The following AKT1 variants were observed in gnomAD, a reference collection of about 807,000 sequenced individuals.
AKT1 encodes AKT serine/threonine kinase 1, also known as RAC-alpha serine/threonine-protein kinase.
A neutral mutation model predicts 63.1 loss-of-function variants in AKT1; 21 were observed. That is an observed-to-expected ratio of 0.33 (90% CI 0.24 to 0.48). The LOEUF is 0.48. Among genes scored for constraint, AKT1 ranks in the 20% least tolerant of loss-of-function variants. The pLI is 0.99. For synonymous variants in AKT1, 257 were observed against 253.1 expected, an observed-to-expected ratio of 1.02 and a Z score of -0.15; for missense variants, 382 against 666.0, an observed-to-expected ratio of 0.57 and a Z score of 4.69.
Position 104,769,841 on chromosome 14 carries a change from G to A in AKT1, c.*500C>T. The A allele has an allele frequency of 2.6e-6, 1 of 388,324 alleles. No homozygotes were observed. The highest frequency in any genetic ancestry group is 4.8e-6 in the Non-Finnish European group (1 of 208,426). 24.1% of individuals were successfully genotyped at this position (388,324 alleles called of 1,614,324 possible). On this transcript the variant is annotated 3_prime_UTR_variant, in exon 15 of 15. Coordinates refer to ENST00000649815, the MANE Select transcript of AKT1 (RefSeq NM_001382430.1). ...GACACGGCCTTAGTGCTGGGGGGCT[G>A]CTGTGTGCCTGCCACCCCCAGGAGA... is the stretch of plus-strand genomic sequence containing the variant.
Position 104,769,570 on chromosome 14 carries a change from T to G in AKT1, c.*771A>C. The G allele has an allele frequency of 1.9e-6, 1 of 533,318 alleles. No individual in the cohort carries two copies. Among genetic ancestry groups the G allele is most frequent in the Non-Finnish European group, 3.6e-6 (1 of 275,298 alleles). 33.0% of individuals were successfully genotyped at this position (533,318 alleles called of 1,614,324 possible). A position where few individuals can be genotyped will look rare whatever the true frequency, so the allele number is the denominator to read the frequency against. Reference sequence around the variant, plus strand: ...AAGGTTAAGCGTCGAAAAGGTCAAGTGCTACCGTGGAGAGATCATCTGAGG... The same window carrying G: ...AAGGTTAAGCGTCGAAAAGGTCAAGGGCTACCGTGGAGAGATCATCTGAGG... On this transcript the variant is annotated 3_prime_UTR_variant, in exon 15 of 15. Transcript: ENST00000649815.
chr14:104,782,177 C>A (rs1893088483), intron 3 of AKT1, among the ~76,000 whole-genome samples: 1 of 151,486 alleles, frequency 6.6e-6, no homozygotes, highest in Non-Finnish European at 1.5e-5. Context: ...ATGCAGCCCA[C>A]CCCACCCGTC....
In AKT1 at chr14:104,774,932, A is replaced by T; in HGVS notation, c.633+6T>A. On this transcript the variant is annotated splice_donor_region_variant and intron_variant, in intron 8 of 14. Transcript: ENST00000649815. ...GCCCTTCAGCCCCATCTGGGCTCCC[A>T]CTCACTGTGAGGAAGGGGTGCCTGG... 2 of 1,608,862 alleles carry T rather than the reference A, an allele frequency of 1.2e-6. No homozygotes were observed.
In AKT1 at chr14:104,792,628, T is replaced by C. The variant is rs1893685625; in HGVS notation, c.16A>G (p.Ile6Val). 4.3e-6 allele frequency: 7 copies of C among 1,611,468 alleles called. No individual in the cohort carries two copies. The highest frequency in any genetic ancestry group is 2.2e-5 in the South Asian group (2 of 91,088). The change falls in exon 3 of 15, where the codon ATT becomes GTT. Residue 6 changes from isoleucine (I) to valine (V), a missense_variant. This residue lies in a region of AKT1 where 226 missense variants were observed against 366.4 expected (regional missense o/e 0.62). Transcript: ENST00000649815. MSDVA[I>V]VKEGWLHKRG... ...TTGTGCAGCCAACCCTCCTTCACAA[T>C]AGCCACGTCGCTCATGGTGCCCGAG...
chr14:104,792,202 C>T (rs1389934054), intron 3 of AKT1, among the ~76,000 whole-genome samples: 4 of 152,194 alleles, frequency 2.6e-5, no homozygotes, highest in Admixed American at 1.3e-4. Context: ...GAAGCAGGCA[C>T]CAGGCCAAGC....
intron 6 of AKT1, 90 bp from the exon 7 acceptor site, chr14:104,775,297 C>T: frequency 5.7e-6 from 9 of 1,583,352 alleles, no homozygotes; most frequent in Middle Eastern, 1.8e-4. Flanking sequence ...GCCCCAGAGT[C>T]GGAGGCAGAG....
chr14:104,794,617 A>C (rs1182513017), intron 1 of AKT1: 2 of 152,248 alleles, frequency 1.3e-5, no homozygotes, highest in Non-Finnish European at 2.9e-5. Context: ...GTGTATGAGA[A>C]GTCTACACAG....
intron 3 of AKT1, among the ~76,000 whole-genome samples, chr14:104,784,631 A>C (rs531970100): frequency 6.6e-6 from 1 of 152,274 alleles, no homozygotes; most frequent in African/African-American, 2.4e-5. Flanking sequence ...TCTGAGAGGA[A>C]GCTGCTCCTG....
At position 104,773,991 on chromosome 14, in the gene AKT1, G is replaced by A. The variant is rs1350079199; in HGVS notation, c.634-11C>T. On this transcript the variant is annotated splice_polypyrimidine_tract_variant and intron_variant, in intron 8 of 14. Transcript: ENST00000649815. ...AGAGTACTTCAGGGCCTGCAAGGAA[G>A]GGGAGCTGGAACTGCGGCCCCACAG... 6.2e-7 allele frequency: 1 copy of A among 1,610,810 alleles called. No individual in the cohort carries two copies. The highest frequency in any genetic ancestry group is 8.5e-7 in the Non-Finnish European group (1 of 1,178,102).
intron 3 of AKT1, among the ~76,000 whole-genome samples, 172 bp from the exon 4 acceptor site, chr14:104,780,388 G>A (rs921188921): frequency 5.3e-5 from 8 of 152,172 alleles, no homozygotes; most frequent in Admixed American, 3.9e-4. Context: ...AACGGCCCTG[G>A]GTCAACGGGA....
rs1216778719 is a variant in AKT1, at chr14:104,775,084, C to A, written c.559G>T (p.Val187Leu). The A allele has an allele frequency of 3.7e-6, 6 of 1,613,944 alleles. No individual in the cohort carries two copies. Among genetic ancestry groups the A allele is most frequent in the Non-Finnish European group, 5.1e-6 (6 of 1,180,016 alleles). Reference sequence around the variant, plus strand: ...CACCGCCCCGGCCCCACCTTGGCCACGATGACTTCCTTCTTGAGGATCTTC... The same window carrying A: ...CACCGCCCCGGCCCCACCTTGGCCAAGATGACTTCCTTCTTGAGGATCTTC... ...AMKILKKEVI[V>L]AKDEVAHTLT... Residue 187 changes from valine (V) to leucine (L), a missense_variant, in exon 7 of 15, where the codon GTG (valine) becomes TTG (leucine). Around this residue, in one of 3 missense-constraint regions of AKT1, gnomAD observed 226 missense variants for 366.4 expected, o/e 0.62. Coordinates refer to ENST00000649815, the MANE Select transcript of AKT1 (RefSeq NM_001382430.1).
chr14:104,772,589 T>G, intron 12 of AKT1, 137 bp from the exon 13 acceptor site: 1 of 866,522 alleles, frequency 1.2e-6, no homozygotes, highest in Non-Finnish European at 1.8e-6. Flanking sequence ...TGGTGCAGCG[T>G]CCCTGAGCAG....
At chr14:104,779,142 G>A (rs1039310945) in intron 4 of AKT1, among the ~76,000 whole-genome samples, 84 of 152,314 alleles carry the variant, frequency 5.5e-4, no homozygotes, top group African/African-American at 1.9e-3. Context: ...CAGGGTTCCC[G>A]TCTGACATGG....
chr14:104,787,804 C>A (rs1893412337), intron 3 of AKT1, among the ~76,000 whole-genome samples: 1 of 152,248 alleles, frequency 6.6e-6, no homozygotes, highest in Non-Finnish European at 1.5e-5. Flanking sequence ...GAGCTGTCCA[C>A]TCAGGAGCCA....
At chr14:104,782,430 C>T (rs1048820872) in intron 3 of AKT1, among the ~76,000 whole-genome samples, 26 of 152,312 alleles carry the variant, frequency 1.7e-4, no homozygotes, top group Admixed American at 1.1e-3. Flanking sequence ...GCTCCCGTGC[C>T]CAACCCCAGC....
intron 3 of AKT1, among the ~76,000 whole-genome samples, chr14:104,786,724 G>A (rs1893351695): frequency 6.6e-6 from 1 of 152,116 alleles, no homozygotes; most frequent in African/African-American, 2.4e-5. Flanking sequence ...GCCAGCTGTG[G>A]AGGGTGCTCC....
intron 8 of AKT1, 168 bp from the exon 9 acceptor site, chr14:104,774,148 C>T (rs1006816583): frequency 3.1e-6 from 2 of 639,768 alleles, no homozygotes; most frequent in Non-Finnish European, 5.7e-6. Flanking sequence ...CCGCCCGATA[C>T]CACACTGCCC....
chr14:104,777,220 C>A (rs1028856691), intron 4 of AKT1: 1 of 168,352 alleles, frequency 5.9e-6, no homozygotes, highest in Non-Finnish European at 1.2e-5. Flanking sequence ...GGAAATACAG[C>A]CACCTGGAGC....
intron 3 of AKT1, among the ~76,000 whole-genome samples, chr14:104,790,542 G>A (rs185509094): frequency 5.3e-5 from 8 of 152,344 alleles, no homozygotes; most frequent in African/African-American, 1.2e-4. Flanking sequence ...GGCGAAATGC[G>A]GCAGGCCCCG....
Sources: gnomAD v4.1 joint callset for allele counts (sites outside exome capture counted in the v4.1 genomes callset) on GRCh38, gnomAD v4.1.1 for gene constraint, gnomAD v4.1.1 regional missense constraint, MANE v1.5 for transcripts, NCBI Gene and HGNC (gene_info 2026-07-23, HGNC 2026-07-21) for gene names.